The following RRM2B variants were observed in gnomAD, a reference collection of about 807,000 sequenced individuals.
RRM2B encodes ribonucleotide reductase regulatory TP53 inducible subunit M2B, also known as ribonucleoside-diphosphate reductase subunit M2 B.
A neutral mutation model predicts 45.9 loss-of-function variants in RRM2B; 20 were observed. That is an observed-to-expected ratio of 0.44 (90% CI 0.31 to 0.63). RRM2B has a LOEUF of 0.63. Ranked by LOEUF, RRM2B falls within the 30% of genes least tolerant of loss-of-function variation. The pLI, the probability that RRM2B is intolerant of heterozygous loss-of-function variation, is 0.09. For missense variants in RRM2B, 320 were observed against 414.7 expected (o/e 0.77, Z 1.98); for synonymous variants, 124 against 132.3 (o/e 0.94, Z 0.43).
chr8:102,204,525 A>G lies in RRM2B; in HGVS notation c.*3608T>C, dbSNP rs2132536251. ...TAGTAAGTATATACATTCCTTTATT[A>G]GGGTAGCCCTTGCACTTATAAAGAA... On this transcript the variant is annotated 3_prime_UTR_variant, in exon 9 of 9. Transcript: ENST00000251810. 1 of 152,352 alleles carries G rather than the reference A, an allele frequency of 6.6e-6. No individual in the cohort carries two copies. The highest frequency in any genetic ancestry group is 1.9e-4 in the East Asian group (1 of 5,192). 9.4% of individuals were successfully genotyped at this position (152,352 alleles called of 1,614,324 possible).
Position 102,228,129 on chromosome 8 carries a change from A to G in RRM2B, c.205-2095T>C, listed in dbSNP as rs1265911244. The stretch of plus-strand genomic sequence containing the variant: ...ACTCCCCTACCCTGTGCCCATAAAA[A>G]CCCCAGGCTCTACCAGCAGAGAAGA... On this transcript the variant is annotated intron_variant, in intron 2 of 8. Transcript: ENST00000251810. Among the ~76,000 whole-genome samples the G allele has an allele frequency of 2.0e-5, 3 of 151,910 alleles. No individual in the cohort carries two copies. In the East Asian group the frequency reaches 5.8e-4, roughly 29 times the overall value.
At position 102,232,244 on chromosome 8, in the gene RRM2B, T is replaced by C. The variant is rs761249944; in HGVS notation, c.109A>G (p.Lys37Glu). The C allele has an allele frequency of 4.3e-6, 7 of 1,614,150 alleles. No homozygotes were observed. In the Admixed American group the frequency reaches 1.2e-4, roughly 27 times the overall value. ...IKSNEEPLLR[K>E]SSRRFVIFPI... Reference sequence around the variant, plus strand: ...AAGATGACAAACCGGCGAGAACTCTTTCTTAGGAGTGGCTCTTCATTTGAC... The same window carrying C: ...AAGATGACAAACCGGCGAGAACTCTCTCTTAGGAGTGGCTCTTCATTTGAC... The change falls in exon 2 of 9, where the codon AAG becomes GAG. Residue 37 changes from lysine to glutamate, a missense_variant. This residue lies in a region of RRM2B where 225 missense variants were observed against 289.4 expected (regional missense o/e 0.78). Coordinates refer to ENST00000251810, the MANE Select transcript of RRM2B (RefSeq NM_015713.5).
intron 5 of RRM2B, among the ~76,000 whole-genome samples, chr8:102,220,128 A>G (rs1317650503): frequency 6.6e-6 from 1 of 152,134 alleles, no homozygotes; most frequent in Non-Finnish European, 1.5e-5. Context: ...AGTCACAGCT[A>G]CCTGGGAGGT....
chr8:102,215,723 T>C (rs1452529946), intron 6 of RRM2B, among the ~76,000 whole-genome samples: 1 of 151,878 alleles, frequency 6.6e-6, no homozygotes, highest in African/African-American at 2.4e-5. Context: ...AGTTGGGAAA[T>C]CACTTGAACC....
At chr8:102,210,815 G>C (rs1810622588) in intron 8 of RRM2B, among the ~76,000 whole-genome samples, 1 of 152,060 alleles carries the variant, frequency 6.6e-6, no homozygotes, top group African/African-American at 2.4e-5. Context: ...GCTGAAACTA[G>C]TGTGGAACTC....
At chr8:102,235,206 T>A (rs1157565040) in intron 1 of RRM2B, among the ~76,000 whole-genome samples, 1 of 152,194 alleles carries the variant, frequency 6.6e-6, no homozygotes, top group African/African-American at 2.4e-5. Flanking sequence ...GTACTACCCA[T>A]CTCTTGCCTG....
Position 102,212,874 on chromosome 8 carries a change from C to A in RRM2B, c.805G>T (p.Ala269Ser), listed in dbSNP as rs1270533356. ...VKIEQEFLTE[A>S]LPVGLIGMNC... The stretch of plus-strand genomic sequence containing the variant: ...ATTCCAATGAGGCCAACTGGCAAGG[C>A]TTCTGTTAAAAACTCCTGGGATGAA... Residue 269 changes from alanine (A) to serine (S), a missense_variant, in exon 8 of 9, where the codon GCC becomes TCC. Physicochemically the swap from Ala to Ser is moderately conservative, Grantham distance 99. This residue lies in a region of RRM2B where 225 missense variants were observed against 289.4 expected (regional missense o/e 0.78). Coordinates refer to ENST00000251810, the MANE Select transcript of RRM2B (RefSeq NM_015713.5). 1 of 1,599,592 alleles carries A rather than the reference C, an allele frequency of 6.3e-7. No homozygotes were observed. The highest frequency in any genetic ancestry group is 2.2e-5 in the East Asian group (1 of 44,716).
intron 1 of RRM2B, among the ~76,000 whole-genome samples, chr8:102,235,681 A>C (rs1563668628): frequency 1.3e-5 from 2 of 152,148 alleles, no homozygotes; most frequent in African/African-American, 4.8e-5. Context: ...TCTACTAAAA[A>C]TACAAAAATT....
intron 2 of RRM2B, among the ~76,000 whole-genome samples, chr8:102,231,041 AATCT>A (rs1200007906): frequency 6.6e-6 from 1 of 152,212 alleles, no homozygotes; most frequent in Non-Finnish European, 1.5e-5. Context: ...AATAGATTCA[AATCT>A]ATCTATCCAA....
chr8:102,219,049 G>T, intron 5 of RRM2B, 102 bp from the exon 6 acceptor site: 1 of 1,270,674 alleles, frequency 7.9e-7, no homozygotes, highest in Non-Finnish European at 1.1e-6. Flanking sequence ...TGTTTGCAAA[G>T]AAACAAAATA....
chr8:102,206,367 A>G lies in RRM2B; in HGVS notation c.*1766T>C, dbSNP rs1248007840. 1.3e-5 allele frequency: 2 copies of G among 152,162 alleles called. No homozygotes were observed. The highest frequency in any genetic ancestry group is 2.9e-5 in the Non-Finnish European group (2 of 68,006). The allele number at this position is 152,162 out of a possible 1,614,324, so 9.4% of individuals were successfully genotyped here. ...GCTCTGTCAAGCTGTTTTGAGATCA[A>G]ATGAGATGATGTAAAAACACTTGGC... On this transcript the variant is annotated 3_prime_UTR_variant, in exon 9 of 9. Transcript: ENST00000251810.
At chr8:102,215,045 T>TAAAAAAA (rs3063793) in intron 6 of RRM2B, among the ~76,000 whole-genome samples, 74 of 61,568 alleles carry the variant, frequency 1.2e-3, no homozygotes, top group East Asian at 3.8e-3. Flanking sequence ...AGCTAAATAT[T>TAAAAAAA]AAAAAAAAAA....
At chr8:102,225,647 A>G (rs1164842908) in intron 3 of RRM2B, among the ~76,000 whole-genome samples, 1 of 152,236 alleles carries the variant, frequency 6.6e-6, no homozygotes, top group South Asian at 2.1e-4. Context: ...GTTAAGGTGC[A>G]GGTTCTCTAT....
chr8:102,221,398 A>C (rs972687471), intron 5 of RRM2B, among the ~76,000 whole-genome samples: 1 of 152,198 alleles, frequency 6.6e-6, no homozygotes, highest in East Asian at 1.9e-4. Flanking sequence ...GCCCTTTTCA[A>C]CTTAGAGCTA....
intron 8 of RRM2B, among the ~76,000 whole-genome samples, chr8:102,211,286 G>A (rs550804410): frequency 6.1e-4 from 93 of 152,308 alleles, no homozygotes; most frequent in Non-Finnish European, 7.2e-4. Flanking sequence ...GTGAGCCACC[G>A]CACCTGGCCT....
intron 2 of RRM2B, 38 bp from the exon 3 acceptor site, chr8:102,226,072 T>C: frequency 7.9e-7 from 1 of 1,269,624 alleles, no homozygotes; most frequent in Non-Finnish European, 1.2e-6. Context: ...TAATTTGGAG[T>C]TAAGTTCTTC....
chr8:102,224,848 C>A, intron 4 of RRM2B, 37 bp downstream of exon 4: 1 of 1,599,564 alleles, frequency 6.3e-7, no homozygotes, highest in Non-Finnish European at 8.6e-7. Context: ...ATAACCAAGC[C>A]GTAAGCAATA....
rs564675101 is a variant in RRM2B, at chr8:102,206,360, G to A, written c.*1773C>T. The A allele has an allele frequency of 6.6e-6, 1 of 152,206 alleles. No homozygotes were observed. The highest frequency in any genetic ancestry group is 6.5e-5 in the Admixed American group (1 of 15,268). 9.4% of individuals were successfully genotyped at this position (152,206 alleles called of 1,614,324 possible). ...AACAGTTGCTCTGTCAAGCTGTTTT[G>A]AGATCAAATGAGATGATGTAAAAAC... On this transcript the variant is annotated 3_prime_UTR_variant, in exon 9 of 9. Transcript: ENST00000251810.
intron 8 of RRM2B, among the ~76,000 whole-genome samples, chr8:102,209,488 A>T (rs964077749): frequency 6.6e-6 from 1 of 152,196 alleles, no homozygotes; most frequent in African/African-American, 2.4e-5. Context: ...ACAGGTAATA[A>T]GTGTTGGTGC....
Sources: allele counts gnomAD v4.1 joint callset (sites outside exome capture counted in the v4.1 genomes callset), GRCh38; gene constraint gnomAD v4.1.1; regional missense constraint gnomAD v4.1.1; transcripts MANE v1.5; gene names NCBI Gene and HGNC (gene_info 2026-07-23, HGNC 2026-07-21).